Variants in CECR2 observed in about 807,000 individuals in gnomAD.
CECR2 encodes the protein CECR2 histone acetyl-lysine reader.
In CECR2, 30 loss-of-function variants were observed where a neutral mutation model predicts 154.5. That is an observed-to-expected ratio of 0.19 (90% CI 0.15 to 0.26). CECR2 has a LOEUF of 0.26. Among genes scored for constraint, CECR2 ranks in the 10% least tolerant of loss-of-function variants. The pLI is 1.00. For synonymous variants in CECR2, 725 were observed against 683.7 expected, an observed-to-expected ratio of 1.06 and a Z score of -0.94; for missense variants, 1,743 against 1,829.3, an observed-to-expected ratio of 0.95 and a Z score of 0.86.
At chr22:17,551,548 T>G (rs2056708363) in intron 17 of CECR2, among the ~76,000 whole-genome samples, 1 of 152,116 alleles carries the variant, frequency 6.6e-6, no homozygotes, top group South Asian at 2.1e-4. Context: ...CAGTGGTTCA[T>G]ACCTATAATC....
intron 2 of CECR2, among the ~76,000 whole-genome samples, chr22:17,489,412 A>G (rs1288523585): frequency 1.3e-5 from 2 of 152,078 alleles, no homozygotes; most frequent in Admixed American, 1.3e-4. Flanking sequence ...TATTTGGCCA[A>G]GTGTTTTACT....
intron 1 of CECR2, among the ~76,000 whole-genome samples, chr22:17,405,613 C>T (rs1320926493): frequency 1.5e-5 from 2 of 133,154 alleles, no homozygotes; most frequent in East Asian, 4.3e-4. Context: ...GCATTCCAGC[C>T]TGGGCAAAAG....
intron 1 of CECR2, among the ~76,000 whole-genome samples, chr22:17,393,108 C>T (rs1181706137): frequency 7.2e-5 from 11 of 152,146 alleles, no homozygotes; most frequent in Non-Finnish European, 1.5e-4. Context: ...CCACCGTAAC[C>T]ATACCTTTAT....
intron 10 of CECR2, among the ~76,000 whole-genome samples, chr22:17,538,294 C>T (rs2056467848): frequency 6.6e-6 from 1 of 152,194 alleles, no homozygotes; most frequent in South Asian, 2.1e-4. Flanking sequence ...TCCAGGCCAA[C>T]CCCACATTTT....
intron 15 of CECR2, 86 bp from the exon 16 acceptor site, chr22:17,542,071 A>G (rs1296795): frequency 0.25 from 394,173 of 1,564,766 alleles, 52,793 homozygotes; most frequent in African/African-American, 0.43. Context: ...GTCCTTTCCC[A>G]AAGAGTCTGT....
At chr22:17,445,543 T>TTTATTA (rs3994823) in intron 1 of CECR2, among the ~76,000 whole-genome samples, 10,791 of 141,218 alleles carry the variant, frequency 0.076, 501 homozygotes, top group Non-Finnish European at 0.1. Flanking sequence ...TGCTCTATAC[T>TTTATTA]TTATTATTAT....
chr22:17,362,219 T>C (rs1601223460), intron 1 of CECR2, among the ~76,000 whole-genome samples: 1 of 152,102 alleles, frequency 6.6e-6, no homozygotes, highest in South Asian at 2.1e-4. Context: ...AATTTTTGTA[T>C]TTTCAGTAAA....
intron 1 of CECR2, among the ~76,000 whole-genome samples, chr22:17,412,428 G>A (rs1359506417): frequency 6.6e-6 from 1 of 152,080 alleles, no homozygotes; most frequent in African/African-American, 2.4e-5. Flanking sequence ...ACTACTTTGT[G>A]TGCCCAAAGC....
Position 17,542,801 on chromosome 22 carries a change from T to C in CECR2, c.2658T>C (p.Ile886=). The C allele has an allele frequency of 6.2e-7, 1 of 1,613,890 alleles. No individual in the cohort carries two copies. Among genetic ancestry groups the C allele is most frequent in the Non-Finnish European group, 8.5e-7 (1 of 1,179,856 alleles). Residue 886 remains isoleucine (I), a synonymous_variant, in exon 16 of 19, where the codon ATT becomes ATC. Transcript: ENST00000262608. ...CCATGATGGACAGCCCAGAGATGAT[T>C]GCGATGCAGCAGCTCTCCTCCCGCG... The part of the protein sequence containing the change: ...GDSMMDSPEM[I]AMQQLSSRVC...
intron 1 of CECR2, among the ~76,000 whole-genome samples, chr22:17,392,496 TAATAA>T (rs1234188638): frequency 1.3e-5 from 2 of 151,456 alleles, no homozygotes; most frequent in South Asian, 4.2e-4. Context: ...AAAAATAGAA[TAATAA>T]AATAAAACAA....
intron 1 of CECR2, among the ~76,000 whole-genome samples, chr22:17,455,884 C>T (rs1313702956): frequency 6.6e-6 from 1 of 152,160 alleles, no homozygotes; most frequent in Non-Finnish European, 1.5e-5. Context: ...GCCACGGTGC[C>T]CAGCCCCAAA....
chr22:17,394,087 A>T (rs942467582), intron 1 of CECR2, among the ~76,000 whole-genome samples: 1 of 149,560 alleles, frequency 6.7e-6, no homozygotes, highest in South Asian at 2.1e-4. Context: ...GGGTTTCACC[A>T]TGTTGGTCAG....
At chr22:17,399,979 T>C (rs567583248) in intron 1 of CECR2, among the ~76,000 whole-genome samples, 1 of 152,356 alleles carries the variant, frequency 6.6e-6, no homozygotes, top group Non-Finnish European at 1.5e-5. Context: ...ATTATGCTTA[T>C]TGTAATTCTG....
At chr22:17,517,557 C>T (rs8137551) in intron 8 of CECR2, among the ~76,000 whole-genome samples, 3,774 of 152,318 alleles carry the variant, frequency 0.025, 168 homozygotes, top group African/African-American at 0.086. Context: ...ATACAAATAA[C>T]TATATAGACC....
intron 7 of CECR2, among the ~76,000 whole-genome samples, chr22:17,508,612 C>T (rs181970650): frequency 1.3e-5 from 2 of 151,998 alleles, no homozygotes; most frequent in East Asian, 1.9e-4. Context: ...TACCCCATAA[C>T]CTAGGTGTGT....
At chr22:17,524,066 C>G in intron 8 of CECR2, 52 bp from the exon 9 acceptor site, 1 of 1,383,218 alleles carries the variant, frequency 7.2e-7, no homozygotes, top group Non-Finnish European at 1.0e-6. Context: ...GAGCAAAGAG[C>G]TTATCTTGCA....
intron 1 of CECR2, among the ~76,000 whole-genome samples, chr22:17,447,375 G>A (rs138773711): frequency 1.3e-5 from 2 of 151,678 alleles, no homozygotes; most frequent in East Asian, 3.9e-4. Context: ...GGATGGTCTC[G>A]ATATCCTGAC....
chr22:17,466,464 A>G (rs187941737), intron 1 of CECR2, among the ~76,000 whole-genome samples: 31 of 152,354 alleles, frequency 2.0e-4, no homozygotes, highest in Middle Eastern at 3.4e-3. Flanking sequence ...ATGTCAGCCC[A>G]TAGTTTAGTT....
At chr22:17,365,520 C>T (rs151168042), upstream of CECR2, among the ~76,000 whole-genome samples, 2,094 of 151,820 alleles carry the variant, frequency 0.014, 54 homozygotes, top group African/African-American at 0.048. Flanking sequence ...CGGTGAAACC[C>T]CGTCTCTACT....
Sources: allele counts gnomAD v4.1 joint callset (sites outside exome capture counted in the v4.1 genomes callset), GRCh38; gene constraint gnomAD v4.1.1; transcripts MANE v1.5; gene names NCBI Gene and HGNC (gene_info 2026-07-23, HGNC 2026-07-21).